CTNNA3: variants seen among roughly 807,000 people sequenced by gnomAD.
CTNNA3 encodes the protein catenin alpha-3.
Under a neutral mutation model 95.7 loss-of-function variants are expected in CTNNA3, and 76 were observed. The observed-to-expected ratio is 0.79, with a 90% CI of 0.66 to 0.96. CTNNA3 has a LOEUF of 0.96. CTNNA3 is among the 40% of genes least tolerant of loss of function. The pLI is 0.00. For missense variants in CTNNA3, 1,191 were observed against 1,089.8 expected (o/e 1.09, Z -1.31); for synonymous variants, 431 against 374.4 (o/e 1.15, Z -1.74).
intron 5 of CTNNA3, among the ~76,000 whole-genome samples, chr10:67,350,658 T>C (rs529039049): frequency 7.9e-5 from 12 of 151,062 alleles, no homozygotes; most frequent in Admixed American, 7.9e-4. Flanking sequence ...TTTACACCAC[T>C]ATTTGCCTAA....
intron 3 of CTNNA3, among the ~76,000 whole-genome samples, chr10:67,540,530 G>A (rs568987299): frequency 6.6e-6 from 1 of 151,888 alleles, no homozygotes; most frequent in East Asian, 1.9e-4. Flanking sequence ...TTGCATATCT[G>A]TCCAGAAATT....
chr10:66,557,477 A>G (rs2132124646), intron 10 of CTNNA3, among the ~76,000 whole-genome samples: 1 of 152,312 alleles, frequency 6.6e-6, no homozygotes, highest in Middle Eastern at 3.4e-3. Flanking sequence ...GGTCAAAAAC[A>G]TTGTGAATAT....
intron 15 of CTNNA3, among the ~76,000 whole-genome samples, chr10:66,024,209 C>A (rs1325928938): frequency 1.3e-5 from 2 of 151,516 alleles, no homozygotes; most frequent in Non-Finnish European, 2.9e-5. Flanking sequence ...CCTACGCCAG[C>A]CTCTCAAGTA....
intron 9 of CTNNA3, among the ~76,000 whole-genome samples, chr10:66,632,555 C>CAAAAAAAAAAAA (rs10559608): frequency 9.9e-6 from 1 of 100,952 alleles, no homozygotes; most frequent in Non-Finnish European, 2.0e-5. Context: ...AACTCCATCT[C>CAAAAAAAAAAAA]AAAAAAAAAA....
chr10:67,595,319 T>A (rs10997742), intron 3 of CTNNA3, among the ~76,000 whole-genome samples: 19,498 of 152,216 alleles, frequency 0.13, 2,263 homozygotes, highest in African/African-American at 0.3. Flanking sequence ...GTCCCAGAGA[T>A]TCTGGTACAT....
At chr10:66,678,809 G>A (rs978092555) in intron 9 of CTNNA3, among the ~76,000 whole-genome samples, 1 of 152,106 alleles carries the variant, frequency 6.6e-6, no homozygotes, top group African/African-American at 2.4e-5. Flanking sequence ...TTAACTAAGG[G>A]GGGAAAAACA....
chr10:67,283,353 T>C (rs1839470937), intron 5 of CTNNA3, among the ~76,000 whole-genome samples: 2 of 152,098 alleles, frequency 1.3e-5, no homozygotes, highest in Admixed American at 1.3e-4. Flanking sequence ...CCCAATAAGA[T>C]CTCAGGAGTT....
intron 1 of CTNNA3, among the ~76,000 whole-genome samples, chr10:67,753,391 C>T (rs1428672680): frequency 2.0e-5 from 3 of 152,002 alleles, no homozygotes; most frequent in African/African-American, 7.2e-5. Flanking sequence ...CTAGGCAACA[C>T]CATTCAGGAC....
intron 15 of CTNNA3, among the ~76,000 whole-genome samples, chr10:66,003,548 C>A (rs1215615098): frequency 6.6e-6 from 1 of 152,008 alleles, no homozygotes; most frequent in African/African-American, 2.4e-5. Flanking sequence ...AGAAAAAACA[C>A]AAAACCCATA....
intron 7 of CTNNA3, among the ~76,000 whole-genome samples, chr10:66,922,405 T>A (rs1846837804): frequency 6.6e-6 from 1 of 152,112 alleles, no homozygotes; most frequent in Non-Finnish European, 1.5e-5. Context: ...TAGAACACAG[T>A]CTTTTCTTTT....
intron 12 of CTNNA3, among the ~76,000 whole-genome samples, chr10:66,301,740 C>A (rs994621031): frequency 6.6e-6 from 1 of 151,926 alleles, no homozygotes; most frequent in African/African-American, 2.4e-5. Context: ...AAAACATCCA[C>A]AAAATGCCTA....
intron 9 of CTNNA3, among the ~76,000 whole-genome samples, chr10:66,692,677 G>A (rs942504037): frequency 5.3e-5 from 8 of 152,100 alleles, no homozygotes; most frequent in African/African-American, 1.9e-4. Flanking sequence ...CACCAAAGTT[G>A]AAATGAAGGA....
intron 3 of CTNNA3, among the ~76,000 whole-genome samples, chr10:67,562,320 C>T (rs185813574): frequency 6.6e-6 from 1 of 152,266 alleles, no homozygotes; most frequent in East Asian, 1.9e-4. Flanking sequence ...CGCTGGGATG[C>T]AAGGCTGGTT....
chr10:67,010,575 T>C (rs1419202908), intron 7 of CTNNA3, among the ~76,000 whole-genome samples: 3 of 152,166 alleles, frequency 2.0e-5, no homozygotes, highest in Admixed American at 1.3e-4. Flanking sequence ...GCTACAATCA[T>C]CCTCTTTTAA....
At chr10:66,915,380 G>A (rs1466229121) in intron 7 of CTNNA3, among the ~76,000 whole-genome samples, 2 of 151,896 alleles carry the variant, frequency 1.3e-5, no homozygotes, top group South Asian at 2.1e-4. Flanking sequence ...AGATTCTGAG[G>A]GAAAATTATT....
At chr10:66,328,248 T>C (rs767182809) in intron 12 of CTNNA3, among the ~76,000 whole-genome samples, 3 of 152,144 alleles carry the variant, frequency 2.0e-5, no homozygotes, top group Non-Finnish European at 2.9e-5. Flanking sequence ...GTGAGCATTA[T>C]TATTGTCATG....
intron 7 of CTNNA3, among the ~76,000 whole-genome samples, chr10:66,833,771 G>T (rs917064934): frequency 6.6e-6 from 1 of 152,128 alleles, no homozygotes; most frequent in Non-Finnish European, 1.5e-5. Context: ...AACACCAAGA[G>T]AGCCCAACAG....
intron 4 of CTNNA3, among the ~76,000 whole-genome samples, chr10:67,534,059 G>GAA (rs932842725): frequency 7.0e-6 from 1 of 142,894 alleles, no homozygotes; most frequent in Non-Finnish European, 1.5e-5. Context: ...TGTCAGGAGG[G>GAA]AAAAAAAAAA....
chr10:67,374,509 T>C (rs79640891), intron 5 of CTNNA3, among the ~76,000 whole-genome samples: 1,673 of 152,328 alleles, frequency 0.011, 27 homozygotes, highest in African/African-American at 0.034. Context: ...ATTCATCCGA[T>C]CTTATTCATC....
Sources: gnomAD v4.1 joint callset for allele counts (sites outside exome capture counted in the v4.1 genomes callset) on GRCh38, gnomAD v4.1.1 for gene constraint, MANE v1.5 for transcripts, NCBI Gene and HGNC (gene_info 2026-07-23, HGNC 2026-07-21) for gene names.